SPATA6: variants seen among roughly 807,000 people sequenced by gnomAD.
SPATA6 encodes the protein spermatogenesis associated 6.
In SPATA6, 56 loss-of-function variants were observed where a neutral mutation model predicts 65.3. That is an observed-to-expected ratio of 0.86 (90% CI 0.69 to 1.07). The LOEUF (loss-of-function observed/expected upper bound fraction) is 1.07. Among genes scored for constraint, SPATA6 ranks in the 50% least tolerant of loss-of-function variants. The probability of loss-of-function intolerance (pLI) is 0.00; values close to 1 mark genes in which losing one functional copy is unlikely to be tolerated. For missense variants in SPATA6, 590 were observed against 594.8 expected (o/e 0.99, Z 0.08); for synonymous variants, 199 against 213.2 (o/e 0.93, Z 0.58).
At chr1:48,337,622 T>C (rs1299814951) in intron 11 of SPATA6, among the ~76,000 whole-genome samples, 1 of 151,864 alleles carries the variant, frequency 6.6e-6, no homozygotes, top group Non-Finnish European at 1.5e-5. Context: ...ACTCAAAAAC[T>C]ACAATCTATT....
chr1:48,465,590 G>A (rs1190894875), intron 1 of SPATA6, among the ~76,000 whole-genome samples: 1 of 152,030 alleles, frequency 6.6e-6, no homozygotes, highest in African/African-American at 2.4e-5. Context: ...AAAAAATACA[G>A]AAATACTTTA....
rs144919071 is a variant in SPATA6, at chr1:48,368,811, C to T, written c.910-9041G>A. ...CTCTCAACTCGTCAACATCATTCTC[C>T]GTCCAGCTTTGTTCCACTGCTGGTG... On this transcript the variant is annotated intron_variant, in intron 9 of 12. Transcript: ENST00000371847. Among the ~76,000 whole-genome samples, 940 of 152,334 alleles carry T rather than the reference C, an allele frequency of 6.2e-3. 9 individuals carry two copies. The highest frequency in any genetic ancestry group is 0.02 in the African/African-American group (819 of 41,582).
At chr1:48,365,683 G>T (rs1432909957) in intron 9 of SPATA6, among the ~76,000 whole-genome samples, 1 of 152,136 alleles carries the variant, frequency 6.6e-6, no homozygotes, top group East Asian at 1.9e-4. Context: ...ACAGCTCAAG[G>T]AGATTTTGGG....
chr1:48,313,290 G>A (rs1570054185), intron 11 of SPATA6, among the ~76,000 whole-genome samples: 2 of 152,226 alleles, frequency 1.3e-5, no homozygotes, highest in South Asian at 4.1e-4. Context: ...AGGGCAGCCA[G>A]AGAGAAAGGT....
intron 11 of SPATA6, among the ~76,000 whole-genome samples, chr1:48,309,764 G>A (rs1180142155): frequency 1.3e-5 from 2 of 152,030 alleles, no homozygotes; most frequent in African/African-American, 2.4e-5. Context: ...CCTTTTTGTG[G>A]GTGATCACTG....
At chr1:48,268,190 T>A in the SPATA6 span, among the ~76,000 whole-genome samples, 2 of 152,058 alleles carry the variant, frequency 1.3e-5, no homozygotes. Flanking sequence ...GTGGAGCCCT[T>A]GCCAGGGACC....
At chr1:48,385,415 C>A (rs1649362216) in intron 8 of SPATA6, 66 bp from the exon 9 acceptor site, 23 of 1,351,546 alleles carry the variant, frequency 1.7e-5, no homozygotes, top group Non-Finnish European at 2.1e-5. Flanking sequence ...TTAATACTAT[C>A]ATTGTTTCTA....
At chr1:48,288,731 C>T in the SPATA6 span, among the ~76,000 whole-genome samples, 6 of 152,308 alleles carry the variant, frequency 3.9e-5, no homozygotes, top group Non-Finnish European at 7.4e-5. Flanking sequence ...CCCACACCCA[C>T]GGACCCTCAC....
chr1:48,446,087 G>A (rs554564818), intron 3 of SPATA6, among the ~76,000 whole-genome samples: 1 of 152,258 alleles, frequency 6.6e-6, no homozygotes, highest in African/African-American at 2.4e-5. Flanking sequence ...CAAGGAAGAT[G>A]TAAAAAGAAT....
intron 3 of SPATA6, among the ~76,000 whole-genome samples, chr1:48,444,637 T>C (rs1570599117): frequency 6.6e-6 from 1 of 152,162 alleles, no homozygotes; most frequent in Non-Finnish European, 1.5e-5. Flanking sequence ...AATAAGAGAA[T>C]AAAAGCTGGC....
chr1:48,381,376 C>T (rs935816358), intron 9 of SPATA6, among the ~76,000 whole-genome samples: 22 of 152,320 alleles, frequency 1.4e-4, no homozygotes, highest in South Asian at 4.1e-4. Flanking sequence ...TCTCCATACT[C>T]AGCAATTTCA....
chr1:48,444,601 C>G (rs1655835840), intron 3 of SPATA6, among the ~76,000 whole-genome samples: 1 of 152,144 alleles, frequency 6.6e-6, no homozygotes, highest in African/African-American at 2.4e-5. Flanking sequence ...TAACATGGAC[C>G]AAACAGAAGG....
At chr1:48,418,219 T>C (rs1259021389) in intron 3 of SPATA6, among the ~76,000 whole-genome samples, 4 of 152,188 alleles carry the variant, frequency 2.6e-5, no homozygotes, top group Admixed American at 6.5e-5. Flanking sequence ...CAATATATCC[T>C]ATGAATACAT....
At chr1:48,430,469 A>C (rs1019620409) in intron 3 of SPATA6, among the ~76,000 whole-genome samples, 13 of 152,168 alleles carry the variant, frequency 8.5e-5, no homozygotes, top group Non-Finnish European at 1.8e-4. Context: ...GTCCTGCAAG[A>C]AATGTTTAAG....
At chr1:48,379,781 T>C (rs925463027) in intron 9 of SPATA6, among the ~76,000 whole-genome samples, 4 of 152,186 alleles carry the variant, frequency 2.6e-5, no homozygotes, top group Non-Finnish European at 4.4e-5. Context: ...TTTATCATGG[T>C]GACATAATAA....
intron 11 of SPATA6, among the ~76,000 whole-genome samples, chr1:48,333,315 G>A (rs1645967735): frequency 6.6e-6 from 1 of 152,120 alleles, no homozygotes. Context: ...TTGGACTCTT[G>A]GATATACACC....
intron 11 of SPATA6, among the ~76,000 whole-genome samples, chr1:48,332,567 A>G (rs1329213101): frequency 1.3e-5 from 2 of 152,212 alleles, no homozygotes; most frequent in Non-Finnish European, 2.9e-5. Flanking sequence ...GAGCACCCAG[A>G]TTCATAAAGC....
chr1:48,437,218 T>C, intron 3 of SPATA6: 1 of 1,612,678 alleles, frequency 6.2e-7, no homozygotes, highest in Non-Finnish European at 8.5e-7. Flanking sequence ...ATACTTGGAA[T>C]TCTAGGGCTG....
intron 3 of SPATA6, among the ~76,000 whole-genome samples, chr1:48,446,617 C>T (rs1390231939): frequency 6.6e-6 from 1 of 152,010 alleles, no homozygotes; most frequent in Non-Finnish European, 1.5e-5. Flanking sequence ...TTCCACAGAA[C>T]AGGAAAGAAG....
Sources: allele counts gnomAD v4.1 joint callset (sites outside exome capture counted in the v4.1 genomes callset), GRCh38; gene constraint gnomAD v4.1.1; transcripts MANE v1.5; gene names NCBI Gene and HGNC (gene_info 2026-07-23, HGNC 2026-07-21).